Variants in CEP120 observed in about 807,000 individuals in gnomAD.
CEP120 encodes centrosomal protein 120.
Under a neutral mutation model 126.5 loss-of-function variants are expected in CEP120, and 113 were observed. The observed-to-expected ratio is 0.89, with a 90% confidence interval of 0.77 to 1.04. The LOEUF (loss-of-function observed/expected upper bound fraction) is 1.04. CEP120 is among the 50% of genes least tolerant of loss of function. The pLI, the probability that CEP120 is intolerant of heterozygous loss-of-function variation, is 0.00. For missense variants in CEP120, 1,230 were observed against 1,155.7 expected (o/e 1.06, Z -0.93); for synonymous variants, 400 against 394.3 (o/e 1.01, Z -0.17).
intron 5 of CEP120, 52 bp from the exon 6 acceptor site, chr5:123,393,549 A>G (rs371949102): frequency 7.0e-5 from 100 of 1,419,814 alleles, no homozygotes; most frequent in Non-Finnish European, 9.3e-5. Context: ...ACTACTGAAC[A>G]TGCTTAGTGT....
chr5:123,400,674 T>TG (rs1474714746), intron 4 of CEP120, among the ~76,000 whole-genome samples: 1 of 144,492 alleles, frequency 6.9e-6, no homozygotes, highest in Non-Finnish European at 1.5e-5. Context: ...TTTTTTTTTT[T>TG]GCAGAGCTAG....
intron 18 of CEP120, among the ~76,000 whole-genome samples, chr5:123,353,762 C>A (rs761051334): frequency 4.3e-4 from 66 of 151,830 alleles, no homozygotes; most frequent in Non-Finnish European, 5.0e-4. Flanking sequence ...ATACTATCCT[C>A]TTATCTCTGT....
Position 123,407,276 on chromosome 5 carries a change from G to A in CEP120, c.463+5123C>T, listed in dbSNP as rs76263048. Among the ~76,000 whole-genome samples, 573 of 152,102 alleles carry A rather than the reference G, an allele frequency of 3.8e-3. 6 individuals are homozygous for A. Among genetic ancestry groups the A allele is most frequent in the African/African-American group, 0.013 (543 of 41,524 alleles). ...ATGCAACTATATTAATAATCACCTT[G>A]AACATCAATAGTTTAAATGCACCAG... On this transcript the variant is annotated intron_variant, in intron 4 of 19. Transcript: ENST00000306467.
chr5:123,378,462 A>G, intron 14 of CEP120, 34 bp from the exon 15 acceptor site: 1 of 1,186,414 alleles, frequency 8.4e-7, no homozygotes, highest in Non-Finnish European at 1.2e-6. Flanking sequence ...AAAAAAAGTT[A>G]CCTACCTTCT....
rs181851821 is a variant in CEP120, at chr5:123,418,229, G to A, written c.206+130C>T. ...TGGGTCCCATCCCCAAGGTATCTTT[G>A]ATTATGCAGATATTCCAAAAATCCG... On this transcript the variant is annotated intron_variant, in intron 2 of 19. Coordinates refer to ENST00000306467, the MANE Select transcript of CEP120 (RefSeq NM_001375405.1). 761 of 681,580 alleles carry A rather than the reference G, an allele frequency of 1.1e-3. 4 individuals carry two copies. The African/African-American group carries it at 0.012, about 11-fold the overall frequency. 42.2% of individuals were successfully genotyped at this position (681,580 alleles called of 1,614,324 possible).
rs757957032 is a variant in CEP120 at position 123,388,451 on chromosome 5, G to A, written c.1411C>T (p.Pro471Ser). The A allele has an allele frequency of 1.9e-6, 3 of 1,554,550 alleles. No homozygotes were observed. The highest frequency in any genetic ancestry group is 1.2e-5 in the South Asian group (1 of 80,640). The change falls in exon 9 of 20, where the codon CCA becomes TCA. Residue 471 changes from proline (P) to serine (S), a missense_variant. Physicochemically the swap from Pro to Ser is moderately conservative, Grantham distance 74 (BLOSUM62 -1). Coordinates refer to ENST00000306467, the MANE Select transcript of CEP120 (RefSeq NM_001375405.1). Reference protein sequence around the residue: ...RSIHALEIGFPINCILRYSYP... With the variant: ...RSIHALEIGFSINCILRYSYP... ...TCACACCTTAATATACAGTTGATTG[G>A]AAAACCAATCTCCAAGGCATGTATA...
Position 123,399,088 on chromosome 5 carries a change from A to G in CEP120, c.612+48T>C, listed in dbSNP as rs754531294. The G allele has an allele frequency of 2.8e-6, 4 of 1,406,094 alleles. No individual in the cohort carries two copies. In the Admixed American group the frequency reaches 6.3e-5, roughly 22 times the overall value. The allele number at this position is 1,406,094 out of a possible 1,614,324, so 87.1% of individuals were successfully genotyped here. On this transcript the variant is annotated intron_variant, in intron 5 of 19. Coordinates refer to ENST00000306467, the MANE Select transcript of CEP120 (RefSeq NM_001375405.1). ...ATACCTGAAAGGTAAAATGTTTTAC[A>G]TAGTTTTCAAATTATTCGTAAGTCA... is the stretch of plus-strand genomic sequence containing the variant.
chr5:123,347,958 T>G (rs1768950340), intron 19 of CEP120, among the ~76,000 whole-genome samples: 1 of 152,180 alleles, frequency 6.6e-6, no homozygotes, highest in African/African-American at 2.4e-5. Flanking sequence ...GGAAGCTCTC[T>G]AGGTAGCTGA....
chr5:123,399,626 TGG>T (rs1773041310), intron 4 of CEP120, among the ~76,000 whole-genome samples: 1 of 151,762 alleles, frequency 6.6e-6, no homozygotes, highest in African/African-American at 2.4e-5. Context: ...GAACAGGGAA[TGG>T]GGGAGTAAAA....
At position 123,409,563 on chromosome 5, in the gene CEP120, A is replaced by C. The variant is rs377241353; in HGVS notation, c.463+2836T>G. On this transcript the variant is annotated intron_variant, in intron 4 of 19. Transcript: ENST00000306467. ...TTACTAATGCAAAAGAAAAGGAAAT[A>C]AAGAGTATACAGATGAGGAAAGAAG... Among the ~76,000 whole-genome samples the C allele has an allele frequency of 1.2e-3, 188 of 152,370 alleles. 1 individual carries two copies. Among genetic ancestry groups the C allele is most frequent in the Middle Eastern group, 0.01 (3 of 294 alleles).
At chr5:123,406,849 A>C (rs1045844366) in intron 4 of CEP120, among the ~76,000 whole-genome samples, 1 of 152,004 alleles carries the variant, frequency 6.6e-6, no homozygotes, top group Non-Finnish European at 1.5e-5. Flanking sequence ...AATTGATCTA[A>C]CAGATAAAAG....
At chr5:123,401,531 G>T in intron 4 of CEP120, 1 of 1,301,568 alleles carries the variant, frequency 7.7e-7, no homozygotes, top group Non-Finnish European at 1.1e-6. Flanking sequence ...GCTGCGGTTG[G>T]CGATCTCCTC....
rs781329490 is a variant in CEP120 at position 123,412,413 on chromosome 5, G to A, written c.449C>T (p.Pro150Leu). The part of the protein sequence containing the change: ...VDSFKAKGAP[P>L]RDGKVPAILA... ...GATGCACAAACCTTTTCCATCTCGA[G>A]GGGGAGCCCCCTTTGCTTTAAAGCT... Residue 150 changes from proline (P) to leucine (L), a missense_variant, in exon 4 of 20, where the codon CCT (proline) becomes CTT (leucine). Pro to Leu is a moderately conservative substitution (Grantham distance 98). Transcript: ENST00000306467. 6.9e-6 allele frequency: 11 copies of A among 1,600,132 alleles called. No homozygotes were observed. In the South Asian group the frequency reaches 8.0e-5, roughly 12 times the overall value.
intron 17 of CEP120, 118 bp from the exon 18 acceptor site, chr5:123,364,712 C>T: frequency 2.4e-6 from 1 of 425,504 alleles, no homozygotes; most frequent in South Asian, 6.7e-5. Context: ...TAACATACGA[C>T]ATCATCTAAA....
chr5:123,402,673 A>G (rs534482014), intron 4 of CEP120, among the ~76,000 whole-genome samples: 28 of 152,332 alleles, frequency 1.8e-4, no homozygotes, highest in African/African-American at 6.5e-4. Context: ...TCAGCCTCCC[A>G]AAGTGCTGGA....
chr5:123,376,263 G>A (rs1246596279), intron 16 of CEP120, among the ~76,000 whole-genome samples: 2 of 152,094 alleles, frequency 1.3e-5, no homozygotes, highest in Admixed American at 1.3e-4. Context: ...AGGAGTGGGT[G>A]ATGCTTTAGC....
chr5:123,391,114 G>A lies in CEP120; in HGVS notation c.1034C>T (p.Ser345Phe), dbSNP rs1772365923. ...SVALQREGID[S>F]QSLIELKTQN... Reference sequence around the variant, plus strand: ...TGAAGGAGGGCCACTACTTGCCTGGGAGTCTATGCCTTCTCTCTGCAGAGC... The same window carrying A: ...TGAAGGAGGGCCACTACTTGCCTGGAAGTCTATGCCTTCTCTCTGCAGAGC... Residue 345 changes from serine (S) to phenylalanine (F), a missense_variant, in exon 7 of 20, where the codon TCC becomes TTC. Transcript: ENST00000306467. The A allele has an allele frequency of 6.2e-7, 1 of 1,610,896 alleles. No individual in the cohort carries two copies. Among genetic ancestry groups the A allele is most frequent in the Non-Finnish European group, 8.5e-7 (1 of 1,177,986 alleles).
intron 18 of CEP120, among the ~76,000 whole-genome samples, chr5:123,356,563 T>C (rs145833782): frequency 7.3e-4 from 111 of 152,260 alleles, no homozygotes; most frequent in African/African-American, 2.5e-3. Flanking sequence ...TGATTTTCTA[T>C]TCATTCCACC....
chr5:123,388,981 C>G (rs1443124535), intron 8 of CEP120, among the ~76,000 whole-genome samples: 3 of 152,142 alleles, frequency 2.0e-5, no homozygotes, highest in African/African-American at 7.2e-5. Context: ...CACCTTTTTA[C>G]AGTAATTTTG....
Sources: gnomAD v4.1 joint callset for allele counts (sites outside exome capture counted in the v4.1 genomes callset) on GRCh38, gnomAD v4.1.1 for gene constraint, MANE v1.5 for transcripts, NCBI Gene and HGNC (gene_info 2026-07-23, HGNC 2026-07-21) for gene names.